PRDM10: variants seen among roughly 807,000 people sequenced by gnomAD.
The protein encoded by PRDM10 is PR domain zinc finger protein 10.
In PRDM10, 65 loss-of-function variants were observed where a neutral mutation model predicts 133.1. The observed-to-expected ratio is 0.49, with a 90% CI of 0.40 to 0.60. The LOEUF is 0.60. PRDM10 is among the 20% of genes least tolerant of loss of function. PRDM10 has a pLI of 0.00. For synonymous variants in PRDM10, 582 were observed against 580.4 expected, an observed-to-expected ratio of 1.00 and a Z score of -0.04; for missense variants, 1,137 against 1,507.1, an observed-to-expected ratio of 0.75 and a Z score of 4.07.
chr11:129,984,973 A>G (rs1233956445), intron 1 of PRDM10, among the ~76,000 whole-genome samples: 1 of 152,076 alleles, frequency 6.6e-6, no homozygotes, highest in African/African-American at 2.4e-5. Flanking sequence ...TTCTGCTGTA[A>G]TACTCTGCAA....
chr11:129,911,645 ACTT>A (rs1339154608), intron 18 of PRDM10, among the ~76,000 whole-genome samples: 1 of 152,190 alleles, frequency 6.6e-6, no homozygotes, highest in Non-Finnish European at 1.5e-5. Context: ...CTCAAAGACC[ACTT>A]CTTCTAAAAA....
At chr11:129,915,176 C>G (rs975986941) in intron 16 of PRDM10, among the ~76,000 whole-genome samples, 158 bp from the exon 17 acceptor site, 1 of 152,124 alleles carries the variant, frequency 6.6e-6, no homozygotes, top group Non-Finnish European at 1.5e-5. Flanking sequence ...CCTGGGGTAA[C>G]ATAATGCTAT....
At chr11:129,928,190 C>T (rs911434635) in intron 11 of PRDM10, among the ~76,000 whole-genome samples, 4 of 152,046 alleles carry the variant, frequency 2.6e-5, no homozygotes, top group South Asian at 2.1e-4. Context: ...ACTGCAGCCT[C>T]GACCTCCTGG....
chr11:129,951,311 A>G (rs1951575931), intron 4 of PRDM10, among the ~76,000 whole-genome samples: 1 of 152,122 alleles, frequency 6.6e-6, no homozygotes, highest in Admixed American at 6.5e-5. Flanking sequence ...CCACTACATC[A>G]CGATGGCCCT....
intron 14 of PRDM10, among the ~76,000 whole-genome samples, chr11:129,917,845 T>G (rs1478389068): frequency 1.3e-5 from 2 of 152,200 alleles, no homozygotes; most frequent in Admixed American, 6.5e-5. Flanking sequence ...AGGAAACAGC[T>G]GGGGGCTGGG....
chr11:129,975,723 T>C (rs1423465099), intron 1 of PRDM10, among the ~76,000 whole-genome samples: 1 of 152,040 alleles, frequency 6.6e-6, no homozygotes, highest in Non-Finnish European at 1.5e-5. Context: ...ACCACTGCAC[T>C]CTCTCCCAGC....
At chr11:129,910,397 T>A in intron 19 of PRDM10, 79 bp downstream of exon 19, 3 of 1,578,916 alleles carry the variant, frequency 1.9e-6, no homozygotes, top group Non-Finnish European at 2.6e-6. Flanking sequence ...TAAAAATCTA[T>A]CACAAGCTGA....
intron 20 of PRDM10, among the ~76,000 whole-genome samples, chr11:129,904,925 T>G (rs999210363): frequency 6.6e-6 from 1 of 152,242 alleles, no homozygotes; most frequent in African/African-American, 2.4e-5. Context: ...CCTGCCCAAC[T>G]TAGATAATTT....
At chr11:129,921,793 T>C (rs534418104) in intron 13 of PRDM10, among the ~76,000 whole-genome samples, 2 of 152,346 alleles carry the variant, frequency 1.3e-5, no homozygotes, top group South Asian at 2.1e-4. Context: ...GACGGTGTCA[T>C]GTAGAGGTAC....
At chr11:129,985,100 G>A (rs1276345549) in intron 1 of PRDM10, among the ~76,000 whole-genome samples, 11 of 152,184 alleles carry the variant, frequency 7.2e-5, no homozygotes, top group Admixed American at 2.6e-4. Context: ...CCCAGCACCT[G>A]CAACCATGAC....
chr11:129,990,763 A>G (rs1241755931), intron 1 of PRDM10, among the ~76,000 whole-genome samples: 3 of 152,206 alleles, frequency 2.0e-5, no homozygotes, highest in Admixed American at 6.5e-5. Context: ...ATGAGCCACT[A>G]TGCCCGGGTC....
intron 14 of PRDM10, among the ~76,000 whole-genome samples, chr11:129,917,657 G>A (rs1023965144): frequency 1.1e-4 from 16 of 152,208 alleles, no homozygotes; most frequent in Non-Finnish European, 7.3e-5. Context: ...TTTAAATATT[G>A]CTCTATGACT....
intron 1 of PRDM10, among the ~76,000 whole-genome samples, chr11:129,990,835 G>A (rs1217013281): frequency 6.6e-6 from 1 of 151,968 alleles, no homozygotes; most frequent in African/African-American, 2.4e-5. Flanking sequence ...ATGAAACACA[G>A]ATGGTAGAAA....
intron 8 of PRDM10, 23 bp downstream of exon 8, chr11:129,937,574 TG>T (rs775495031): frequency 2.5e-6 from 4 of 1,599,540 alleles, no homozygotes; most frequent in Non-Finnish European, 3.4e-6. Context: ...ATATAGAAAA[TG>T]TAAAACATAA....
At chr11:129,961,570 C>T (rs944622942) in intron 1 of PRDM10, among the ~76,000 whole-genome samples, 7 of 150,504 alleles carry the variant, frequency 4.7e-5, no homozygotes, top group South Asian at 2.2e-4. Context: ...TCTCCCAAAG[C>T]GCTGGGATTA....
chr11:129,980,688 CTG>C (rs1052591196), intron 1 of PRDM10, among the ~76,000 whole-genome samples: 15 of 152,206 alleles, frequency 9.9e-5, no homozygotes, highest in African/African-American at 1.4e-4. Flanking sequence ...TACAACATAA[CTG>C]AACTCTGAAA....
In PRDM10 at chr11:129,924,877, C is replaced by G; in HGVS notation, c.1878+5G>C. The G allele has an allele frequency of 3.8e-6, 6 of 1,586,716 alleles. No individual in the cohort carries two copies. Among genetic ancestry groups the G allele is most frequent in the Non-Finnish European group, 5.1e-6 (6 of 1,167,504 alleles). ...CAGACAGGAATCTCAGTAGTAGACACTCACCTGGATAAAATCTGGGAACCG... is the reference window on the plus strand; with the variant it reads ...CAGACAGGAATCTCAGTAGTAGACAGTCACCTGGATAAAATCTGGGAACCG... On this transcript the variant is annotated splice_donor_5th_base_variant and intron_variant, in intron 12 of 20. Coordinates refer to ENST00000360871, the MANE Select transcript of PRDM10 (RefSeq NM_199437.2).
intron 7 of PRDM10, among the ~76,000 whole-genome samples, chr11:129,941,405 A>G (rs913650239): frequency 2.0e-4 from 30 of 152,258 alleles, no homozygotes; most frequent in Non-Finnish European, 7.3e-5. Context: ...AAATATATTT[A>G]TGAAATCAGA....
rs770029369 is a variant in PRDM10 at position 129,932,147 on chromosome 11, C to T, written c.1242G>A (p.Leu414=). ...RPGRPPKFIR[L]EITSENGEKS... is the part of the protein sequence containing the mutation. The stretch of plus-strand genomic sequence containing the variant: ...TTTCCCCATTTTCGCTGGTGATTTC[C>T]AGGCGGATAAATTTTGGAGGACGCC... The change falls in exon 10 of 21, where the codon CTG becomes CTA. Residue 414 remains leucine (L), a synonymous_variant. Transcript: ENST00000360871. 4 of 1,614,102 alleles carry T rather than the reference C, an allele frequency of 2.5e-6. No individual in the cohort carries two copies. The South Asian group carries it at 4.4e-5, about 18-fold the overall frequency.
Sources: allele counts gnomAD v4.1 joint callset (sites outside exome capture counted in the v4.1 genomes callset), GRCh38; gene constraint gnomAD v4.1.1; transcripts MANE v1.5; gene names NCBI Gene and HGNC (gene_info 2026-07-23, HGNC 2026-07-21).